The following HYAL4 variants were observed in gnomAD, a reference collection of about 807,000 sequenced individuals.
The protein encoded by HYAL4 is hyaluronidase 4.
Under a neutral mutation model 35.2 loss-of-function variants are expected in HYAL4, and 37 were observed. The observed-to-expected ratio is 1.05, with a 90% CI of 0.81 to 1.38. The LOEUF is 1.38. Ranked by LOEUF, HYAL4 falls within the 40% of genes most tolerant of loss-of-function variation. The pLI, the probability that HYAL4 is intolerant of heterozygous loss-of-function variation, is 0.00. For synonymous variants in HYAL4, 198 were observed against 203.2 expected (o/e 0.97, Z 0.22); for missense variants, 572 against 572.4 (o/e 1.00, Z 0.01).
At chr7:123,766,186 A>ATCT in the HYAL4 span, among the ~76,000 whole-genome samples, 4 of 152,168 alleles carry the variant, frequency 2.6e-5, no homozygotes, top group African/African-American at 9.7e-5. Flanking sequence ...TTACGCTGGC[A>ATCT]TCTTACCTAT....
intron 2 of HYAL4, among the ~76,000 whole-genome samples, chr7:123,867,154 T>C (rs1322251464): frequency 1.3e-5 from 2 of 152,188 alleles, no homozygotes; most frequent in Admixed American, 6.5e-5. Flanking sequence ...GTCTAGGTCC[T>C]GTTGCTTGCT....
rs1248065094 is a variant in HYAL4 at position 123,877,373 on chromosome 7, T to C, written c.*218T>C. The C allele has an allele frequency of 8.7e-6, 4 of 461,844 alleles. No homozygotes were observed. The highest frequency in any genetic ancestry group is 1.5e-5 in the Non-Finnish European group (4 of 263,538). The allele number at this position is 461,844 out of a possible 1,614,324, so 28.6% of individuals were successfully genotyped here. A position where few individuals can be genotyped will look rare whatever the true frequency, so the allele number is the denominator to read the frequency against. On this transcript the variant is annotated 3_prime_UTR_variant, in exon 5 of 5. Coordinates refer to ENST00000223026, the MANE Select transcript of HYAL4 (RefSeq NM_012269.3). ...AAAGTCAATGTACACTTCCTCCTTA[T>C]TGGAATATTTAAGTTGCATTTAAAC...
chr7:123,794,380 A>T, the HYAL4 span, among the ~76,000 whole-genome samples: 6 of 152,368 alleles, frequency 3.9e-5, no homozygotes, highest in South Asian at 1.2e-3. Flanking sequence ...GATAATCACC[A>T]AGACAATGGG....
At chr7:123,810,275 T>G in the HYAL4 span, among the ~76,000 whole-genome samples, 1 of 151,916 alleles carries the variant, frequency 6.6e-6, no homozygotes, top group Non-Finnish European at 1.5e-5. Context: ...TTTCTTCTTG[T>G]GAGGGGTTTC....
the HYAL4 span, among the ~76,000 whole-genome samples, chr7:123,811,146 A>G: frequency 6.6e-6 from 1 of 152,230 alleles, no homozygotes; most frequent in African/African-American, 2.4e-5. Flanking sequence ...AAGCTTCTAT[A>G]AACATTCTTG....
At chr7:123,821,403 T>C in the HYAL4 span, among the ~76,000 whole-genome samples, 4 of 152,304 alleles carry the variant, frequency 2.6e-5, no homozygotes, top group East Asian at 7.7e-4. Context: ...CCAATAATTA[T>C]GATTTTGAGC....
the HYAL4 span, among the ~76,000 whole-genome samples, chr7:123,787,714 C>G: frequency 6.6e-6 from 1 of 152,138 alleles, no homozygotes; most frequent in South Asian, 2.1e-4. Flanking sequence ...CTTAATGCGT[C>G]TGAATCCCAA....
At chr7:123,857,920 A>G (rs939306025) in intron 2 of HYAL4, among the ~76,000 whole-genome samples, 92 of 151,902 alleles carry the variant, frequency 6.1e-4, no homozygotes, top group African/African-American at 2.1e-3. Flanking sequence ...ATGTAGATCA[A>G]GTGTGGTGGC....
At chr7:123,851,244 A>C (rs1234572933) in intron 2 of HYAL4, among the ~76,000 whole-genome samples, 1 of 152,104 alleles carries the variant, frequency 6.6e-6, no homozygotes, top group Non-Finnish European at 1.5e-5. Flanking sequence ...ATGTTTCAAC[A>C]AAGTTTTTTT....
At chr7:123,847,620 A>T (rs535049626) in intron 1 of HYAL4, among the ~76,000 whole-genome samples, 1 of 152,156 alleles carries the variant, frequency 6.6e-6, no homozygotes, top group Non-Finnish European at 1.5e-5. Flanking sequence ...TACTGAAAAT[A>T]CAAAAAAATT....
At chr7:123,873,925 C>T (rs531621103) in intron 3 of HYAL4, among the ~76,000 whole-genome samples, 2 of 151,982 alleles carry the variant, frequency 1.3e-5, no homozygotes, top group African/African-American at 4.8e-5. Flanking sequence ...ATTTCAGGGA[C>T]AAATATAAAA....
At chr7:123,853,918 C>T (rs1357074979) in intron 2 of HYAL4, among the ~76,000 whole-genome samples, 2 of 152,060 alleles carry the variant, frequency 1.3e-5, no homozygotes, top group African/African-American at 4.8e-5. Flanking sequence ...TGTTATTAGT[C>T]TATTCAGGGA....
At position 123,874,770 on chromosome 7, in the gene HYAL4, G is replaced by A; in HGVS notation, c.964G>A (p.Val322Ile). The stretch of plus-strand genomic sequence containing the variant: ...ACTGTCTTCAATCTAGCAAGATCTA[G>A]TCAGCACCATAGGAGAAAGTGCTGC... ...PLFFLSKQDL[V>I]STIGESAALG... Residue 322 changes from valine (V) to isoleucine (I), a missense_variant, in exon 4 of 5, where the codon GTC (valine) becomes ATC (isoleucine). By Grantham distance (29) the Val-to-Ile change is conservative. Transcript: ENST00000223026. 1.9e-6 allele frequency: 3 copies of A among 1,598,108 alleles called. No homozygotes were observed. Among genetic ancestry groups the A allele is most frequent in the Non-Finnish European group, 2.6e-6 (3 of 1,165,372 alleles).
At chr7:123,799,789 G>A in the HYAL4 span, among the ~76,000 whole-genome samples, 1 of 152,014 alleles carries the variant, frequency 6.6e-6, no homozygotes, top group Admixed American at 6.6e-5. Flanking sequence ...TTTAAACAAG[G>A]TCTCTTATTT....
the HYAL4 span, among the ~76,000 whole-genome samples, chr7:123,815,955 T>C: frequency 6.6e-6 from 1 of 152,186 alleles, no homozygotes; most frequent in Non-Finnish European, 1.5e-5. Context: ...ATATTCATCT[T>C]TGCAGGATTA....
the HYAL4 span, among the ~76,000 whole-genome samples, chr7:123,796,436 A>ATGAG: frequency 2.0e-5 from 3 of 152,228 alleles, no homozygotes; most frequent in Non-Finnish European, 4.4e-5. Context: ...AATCAACTAT[A>ATGAG]TGAGATGCTA....
At chr7:123,768,603 C>T in the HYAL4 span, among the ~76,000 whole-genome samples, 1 of 152,220 alleles carries the variant, frequency 6.6e-6, no homozygotes, top group African/African-American at 2.4e-5. Flanking sequence ...TACATCTGCA[C>T]CAACCTTATG....
intron 2 of HYAL4, among the ~76,000 whole-genome samples, chr7:123,857,665 GTTTGTTTCTTTCTTTCTTTC>G (rs1200467267): frequency 4.2e-5 from 4 of 95,506 alleles, no homozygotes; most frequent in South Asian, 3.8e-4. Flanking sequence ...TTCTTTCTTT[GTTTGTTTCTTTCTTTCTTTC>G]TTTCTTTCTT....
intron 4 of HYAL4, among the ~76,000 whole-genome samples, 154 bp from the exon 5 acceptor site, chr7:123,876,600 C>G (rs1807030982): frequency 6.6e-6 from 1 of 152,150 alleles, no homozygotes; most frequent in African/African-American, 2.4e-5. Context: ...ACAAGTTCAA[C>G]AACTGAACCA....
Sources: allele counts gnomAD v4.1 joint callset (sites outside exome capture counted in the v4.1 genomes callset), GRCh38; gene constraint gnomAD v4.1.1; transcripts MANE v1.5; gene names NCBI Gene and HGNC (gene_info 2026-07-23, HGNC 2026-07-21).